Variants in AXIN1 observed in about 807,000 individuals in gnomAD.
AXIN1 encodes axin 1.
Under a neutral mutation model 76.4 loss-of-function variants are expected in AXIN1, and 30 were observed. The observed-to-expected ratio is 0.39, with a 90% CI of 0.29 to 0.53. AXIN1 has a LOEUF of 0.53. AXIN1 is among the 20% of genes least tolerant of loss of function. The pLI is 0.66. For synonymous variants in AXIN1, 545 were observed against 501.4 expected, an observed-to-expected ratio of 1.09 and a Z score of -1.16; for missense variants, 1,140 against 1,198.8, an observed-to-expected ratio of 0.95 and a Z score of 0.72.
At chr16:338,205 G>A (rs545972277) in intron 2 of AXIN1, among the ~76,000 whole-genome samples, 53 of 152,196 alleles carry the variant, frequency 3.5e-4, no homozygotes, top group Non-Finnish European at 6.3e-4. Flanking sequence ...CGGAGCGTGT[G>A]CGTCAATTCA....
intron 9 of AXIN1, chr16:290,730 CACTG>C (rs1456044882): frequency 3.2e-5 from 10 of 313,776 alleles, no homozygotes; most frequent in African/African-American, 2.2e-4. Context: ...AGCCCCGACT[CACTG>C]ACTGCACGGG....
intron 2 of AXIN1, among the ~76,000 whole-genome samples, chr16:317,128 C>A (rs2053321342): frequency 6.6e-6 from 1 of 152,196 alleles, no homozygotes; most frequent in Non-Finnish European, 1.5e-5. Context: ...CTAGGGAAAG[C>A]CCCAGTTCTA....
chr16:328,760 C>T (rs2053631260), intron 2 of AXIN1, among the ~76,000 whole-genome samples: 1 of 152,274 alleles, frequency 6.6e-6, no homozygotes, highest in South Asian at 2.1e-4. Flanking sequence ...CCCAAACACT[C>T]ATGATTTTGA....
intron 2 of AXIN1, among the ~76,000 whole-genome samples, chr16:329,267 A>G (rs1274710931): frequency 9.7e-6 from 1 of 102,628 alleles, no homozygotes; most frequent in African/African-American, 4.4e-5. Context: ...ACAGAGCGAG[A>G]CTGTCAAAAA....
chr16:346,978 G>A lies in AXIN1; in HGVS notation c.48C>T (p.Phe16=), dbSNP rs2054047413. The A allele has an allele frequency of 6.2e-7, 1 of 1,614,122 alleles. No individual in the cohort carries two copies. Among genetic ancestry groups the A allele is most frequent in the African/African-American group, 1.3e-5 (1 of 74,956 alleles). ...CTGGGGGTCGGGGAGCATCTTCGGTGAAACTTGCTCCGAGGTCCAAGGGGA... is the reference window on the plus strand; with the variant it reads ...CTGGGGGTCGGGGAGCATCTTCGGTAAAACTTGCTCCGAGGTCCAAGGGGA... ...QGFPLDLGAS[F]TEDAPRPPVP... The change falls in exon 2 of 11, where the codon TTC becomes TTT. Residue 16 remains phenylalanine (F), a synonymous_variant. Coordinates refer to ENST00000262320, the MANE Select transcript of AXIN1 (RefSeq NM_003502.4).
chr16:319,599 C>T (rs966113841), intron 2 of AXIN1, among the ~76,000 whole-genome samples: 7 of 152,198 alleles, frequency 4.6e-5, no homozygotes, highest in South Asian at 2.1e-4. Context: ...CACAGAAGGT[C>T]TCCCCTGCCC....
At chr16:295,003 G>A (rs956251208) in intron 7 of AXIN1, among the ~76,000 whole-genome samples, 4 of 147,626 alleles carry the variant, frequency 2.7e-5, no homozygotes, top group African/African-American at 1.0e-4. Context: ...GGCGAGGCTT[G>A]CAGTGAGCTG....
intron 1 of AXIN1, among the ~76,000 whole-genome samples, chr16:351,924 C>T (rs1376975146): frequency 6.6e-6 from 1 of 152,084 alleles, no homozygotes; most frequent in Non-Finnish European, 1.5e-5. Context: ...GAACCACACC[C>T]AAGAGAAAGA....
In AXIN1 at chr16:288,148, T is replaced by C. The variant is rs1351781928; in HGVS notation, c.2563A>G (p.Ile855Val). ...CAGTCCACCTTCTCCACTTTGCCGA[T>C]GATCTTCTCCTCAAAGACGGGCAGG... ...AVLPVFEEKI[I>V]GKVEKVD The change falls in exon 11 of 11, where the codon ATC becomes GTC. Residue 855 changes from isoleucine (I) to valine (V), a missense_variant. By Grantham distance (29) the Ile-to-Val change is conservative. Transcript: ENST00000262320. 16 of 1,613,442 alleles carry C rather than the reference T, an allele frequency of 9.9e-6. No individual in the cohort carries two copies. The highest frequency in any genetic ancestry group is 2.2e-5 in the South Asian group (2 of 91,088).
At chr16:335,523 C>G (rs2053785472) in intron 2 of AXIN1, among the ~76,000 whole-genome samples, 1 of 151,986 alleles carries the variant, frequency 6.6e-6, no homozygotes, top group Non-Finnish European at 1.5e-5. Context: ...CACCCAGTAC[C>G]ACGGCACACC....
At position 346,570 on chromosome 16, in the gene AXIN1, G is replaced by T. The variant is rs780104760; in HGVS notation, c.456C>A (p.Asn152Lys). The change falls in exon 2 of 11, where the codon AAC (asparagine) becomes AAA (lysine). Residue 152 changes from asparagine to lysine, a missense_variant. Physicochemically the swap from Asn to Lys is moderately conservative, Grantham distance 94. Around this residue, in one of 3 missense-constraint regions of AXIN1, gnomAD observed 708 missense variants for 776.9 expected, o/e 0.91. Coordinates refer to ENST00000262320, the MANE Select transcript of AXIN1 (RefSeq NM_003502.4). ...RAIYRKYILDNNGIVSRQTKP... is the reference protein window; with the variant it reads ...RAIYRKYILDKNGIVSRQTKP... ...TGGTCTGCCGGGACACGATGCCATT[G>T]TTATCAAGAATGTACTTTCGGTAGA... is the stretch of plus-strand genomic sequence containing the variant. 1.2e-6 allele frequency: 2 copies of T among 1,613,110 alleles called. No homozygotes were observed. The highest frequency in any genetic ancestry group is 3.3e-5 in the Admixed American group (2 of 59,896).
intron 7 of AXIN1, among the ~76,000 whole-genome samples, chr16:295,689 C>T (rs1267417608): frequency 2.0e-5 from 3 of 152,042 alleles, no homozygotes; most frequent in South Asian, 2.1e-4. Flanking sequence ...CGGCCGGGCA[C>T]GGTGGCTCAC....
chr16:327,156 T>G (rs1287758402), intron 2 of AXIN1, among the ~76,000 whole-genome samples: 2 of 150,546 alleles, frequency 1.3e-5, no homozygotes, highest in Admixed American at 6.6e-5. Flanking sequence ...AAAAAAAGAT[T>G]GCCAGCACCC....
intron 5 of AXIN1, chr16:299,352 A>G (rs750831185): frequency 1.4e-4 from 84 of 619,908 alleles, no homozygotes; most frequent in Non-Finnish European, 1.6e-4. Flanking sequence ...CCATGTATCT[A>G]TGTATGTATT....
chr16:333,027 A>G (rs1171191294), intron 2 of AXIN1, among the ~76,000 whole-genome samples: 1 of 152,128 alleles, frequency 6.6e-6, no homozygotes, highest in African/African-American at 2.4e-5. Context: ...TCTACAAAAA[A>G]CTGTAAAAAA....
chr16:323,811 A>T (rs1052884783), intron 2 of AXIN1, among the ~76,000 whole-genome samples: 1 of 149,178 alleles, frequency 6.7e-6, no homozygotes. Context: ...CACCAACAAA[A>T]CAAAACACTG....
At chr16:302,517 A>C (rs2141536467) in intron 5 of AXIN1, among the ~76,000 whole-genome samples, 1 of 152,360 alleles carries the variant, frequency 6.6e-6, no homozygotes, top group African/African-American at 2.4e-5. Context: ...CATGAATCCC[A>C]GCTGCTCAAC....
Position 311,895 on chromosome 16 carries a change from G to A in AXIN1, c.1020-1826C>T, listed in dbSNP as rs184461539. On this transcript the variant is annotated intron_variant, in intron 3 of 10. Transcript: ENST00000262320. ...CACAGGACGACTGAAGAGAGCGCCC[G>A]ACCCAGGGCTGCGTGGCAGACACGG... is the stretch of plus-strand genomic sequence containing the variant. 4.6e-5 allele frequency among the ~76,000 whole-genome samples: 7 copies of A among 152,282 alleles called. No individual in the cohort carries two copies. The East Asian group carries it at 1.2e-3, about 25-fold the overall frequency.
intron 2 of AXIN1, among the ~76,000 whole-genome samples, chr16:335,197 G>A (rs1422988833): frequency 2.0e-5 from 3 of 152,090 alleles, no homozygotes; most frequent in South Asian, 2.1e-4. Flanking sequence ...ACTGCACCAC[G>A]AAGCTATAAA....
Sources: allele counts gnomAD v4.1 joint callset (sites outside exome capture counted in the v4.1 genomes callset), GRCh38; gene constraint gnomAD v4.1.1; regional missense constraint gnomAD v4.1.1; transcripts MANE v1.5; gene names NCBI Gene and HGNC (gene_info 2026-07-23, HGNC 2026-07-21).